CDON: variants seen among roughly 807,000 people sequenced by gnomAD.
The protein encoded by CDON is cell adhesion molecule-related/down-regulated by oncogenes.
In CDON, 73 loss-of-function variants were observed where a neutral mutation model predicts 120.9. That is an observed-to-expected ratio of 0.60 (90% confidence interval 0.50 to 0.73). The LOEUF is 0.73. Ranked by LOEUF, CDON falls within the 30% of genes least tolerant of loss-of-function variation. The pLI, the probability that CDON is intolerant of heterozygous loss-of-function variation, is 0.00. For missense variants in CDON, 1,470 were observed against 1,587.3 expected (o/e 0.93, Z 1.26); for synonymous variants, 566 against 573.5 (o/e 0.99, Z 0.19).
At chr11:126,056,156 A>G (rs1164547004) in intron 1 of CDON, among the ~76,000 whole-genome samples, 1 of 152,214 alleles carries the variant, frequency 6.6e-6, no homozygotes, top group Non-Finnish European at 1.5e-5. Context: ...ATGCCATTAC[A>G]ACACTTCCAG....
At chr11:126,001,659 C>T in intron 11 of CDON, 60 bp downstream of exon 11, 1 of 1,522,098 alleles carries the variant, frequency 6.6e-7, no homozygotes, top group Non-Finnish European at 9.1e-7. Flanking sequence ...CCCCACCTCC[C>T]AAAATCTGAA....
At chr11:125,994,582 G>A (rs1464511753) in intron 13 of CDON, among the ~76,000 whole-genome samples, 193 bp from the exon 14 acceptor site, 1 of 152,190 alleles carries the variant, frequency 6.6e-6, no homozygotes, top group Non-Finnish European at 1.5e-5. Flanking sequence ...AAATAAGGCA[G>A]TACGTTTCCC....
Position 125,960,595 on chromosome 11 carries a change from G to C in CDON, c.*347C>G, listed in dbSNP as rs751404338. On this transcript the variant is annotated 3_prime_UTR_variant, in exon 20 of 20. Coordinates refer to ENST00000531738, the MANE Select transcript of CDON (RefSeq NM_001378964.1). ...CAACGGGCCCCTGCATTCCCTCCTA[G>C]CCGAAGCAGCCAAGAGATGGGATCC... 3.4e-6 allele frequency: 1 copy of C among 295,342 alleles called. No homozygotes were observed. The highest frequency in any genetic ancestry group is 6.4e-6 in the Non-Finnish European group (1 of 156,132). 18.3% of individuals were successfully genotyped at this position (295,342 alleles called of 1,614,324 possible). A position where few individuals can be genotyped will look rare whatever the true frequency, so the allele number is the denominator to read the frequency against.
intron 18 of CDON, among the ~76,000 whole-genome samples, chr11:125,970,730 T>C (rs1007250913): frequency 2.6e-5 from 4 of 152,158 alleles, no homozygotes; most frequent in African/African-American, 9.7e-5. Flanking sequence ...ACAGTAAATG[T>C]TGAGTGACAA....
chr11:125,975,545 T>C (rs971864582), intron 18 of CDON, among the ~76,000 whole-genome samples: 3 of 152,250 alleles, frequency 2.0e-5, no homozygotes, highest in African/African-American at 7.2e-5. Flanking sequence ...TACTATTCTC[T>C]AGTTGCACTT....
chr11:126,002,295 G>A (rs1946969072), intron 10 of CDON, among the ~76,000 whole-genome samples: 1 of 152,136 alleles, frequency 6.6e-6, no homozygotes, highest in African/African-American at 2.4e-5. Flanking sequence ...GTTAAAAACT[G>A]AAATGCATGA....
rs141031241 is a variant in CDON at position 126,025,859 on chromosome 11, T to C, written c.-61-2322A>G. On this transcript the variant is annotated intron_variant, in intron 1 of 19. Transcript: ENST00000531738. Reference sequence around the variant, plus strand: ...ATATTCAAGTAGGAGAGATAGACAATATAAAAGATAAATAAAACTAGTAAA... The same window carrying C: ...ATATTCAAGTAGGAGAGATAGACAACATAAAAGATAAATAAAACTAGTAAA... Among the ~76,000 whole-genome samples the C allele has an allele frequency of 1.5e-4, 23 of 152,208 alleles. No individual in the cohort carries two copies. In the East Asian group the frequency reaches 4.2e-3, roughly 28 times the overall value.
intron 10 of CDON, among the ~76,000 whole-genome samples, chr11:126,003,554 C>T (rs544627952): frequency 6.1e-4 from 93 of 152,314 alleles, no homozygotes; most frequent in African/African-American, 2.1e-3. Flanking sequence ...GGCACAGTGG[C>T]TCACGCCTAT....
At position 125,995,035 on chromosome 11, in the gene CDON, T is replaced by C; in HGVS notation, c.2380A>G (p.Arg794Gly). The C allele has an allele frequency of 6.2e-7, 1 of 1,613,990 alleles. No individual in the cohort carries two copies. The highest frequency in any genetic ancestry group is 1.7e-5 in the Admixed American group (1 of 60,006). Residue 794 changes from arginine to glycine, a missense_variant, in exon 13 of 20, where the codon AGG becomes GGG. Coordinates refer to ENST00000531738, the MANE Select transcript of CDON (RefSeq NM_001378964.1). ...CCATAATGGTTGATGGCAATGACCCTAAATTTGTATGTTGAACCTTTGAGG... is the reference window on the plus strand; with the variant it reads ...CCATAATGGTTGATGGCAATGACCCCAAATTTGTATGTTGAACCTTTGAGG... ...SLEPGSTYKFRVIAINHYGES... is the reference protein window; with the variant it reads ...SLEPGSTYKFGVIAINHYGES...
At chr11:125,997,143 A>G (rs1591368023) in intron 12 of CDON, 64 bp downstream of exon 12, 1 of 1,247,930 alleles carries the variant, frequency 8.0e-7, no homozygotes, top group Admixed American at 1.8e-5. Flanking sequence ...CTGTCTCAAA[A>G]TATATAAATA....
chr11:126,048,853 G>A (rs374826963), intron 1 of CDON, among the ~76,000 whole-genome samples: 13 of 152,052 alleles, frequency 8.5e-5, no homozygotes, highest in Non-Finnish European at 1.8e-4. Context: ...ACAGGCATGC[G>A]CCACCACACC....
At position 126,010,408 on chromosome 11, in the gene CDON, C is replaced by G. The variant is rs371467859; in HGVS notation, c.1485G>C (p.Ala495=). The change falls in exon 8 of 20, where the codon GCG becomes GCC. Residue 495 remains alanine (A), a synonymous_variant. Transcript: ENST00000531738. ...TTGCAGCTTCGCAGATGTATTTCCC[C>G]GCATGTTCCTGAGTCACAGCCTGAA... The part of the protein sequence containing the change: ...LHIQAVTQEH[A]GKYICEAANE... 46 of 1,614,084 alleles carry G rather than the reference C, an allele frequency of 2.8e-5. No homozygotes were observed. The African/African-American group carries it at 3.1e-4, about 11-fold the overall frequency.
At position 125,978,304 on chromosome 11, in the gene CDON, C is replaced by G. The variant is rs755551243; in HGVS notation, c.3356G>C (p.Arg1119Thr). 6.4e-7 allele frequency: 1 copy of G among 1,567,970 alleles called. No individual in the cohort carries two copies. Reference sequence around the variant, plus strand: ...TTGTGCAGACACATTATTAACATACCTATTGTTGTTTCGACAATTTCGGCA... The same window carrying G: ...TTGTGCAGACACATTATTAACATACGTATTGTTGTTTCGACAATTTCGGCA... ...VNCRNCRNNN[R>T]CFTKTNSTFS... The change falls in exon 18 of 20, where the codon AGG (arginine) becomes ACG (threonine). Residue 1119 changes from arginine (R) to threonine (T), a missense_variant and splice_region_variant. Physicochemically the swap from Arg to Thr is moderately conservative, Grantham distance 71 (BLOSUM62 -1). Transcript: ENST00000531738.
chr11:126,029,266 C>T (rs1369202247), intron 1 of CDON, among the ~76,000 whole-genome samples: 4 of 152,162 alleles, frequency 2.6e-5, no homozygotes, highest in Non-Finnish European at 5.9e-5. Flanking sequence ...AAGGCATGGG[C>T]ATTGCAGGCC....
In CDON at chr11:126,023,557, G is replaced by T; in HGVS notation, c.-61-20C>A. Reference sequence around the variant, plus strand: ...GGTTCACTAAAAAAGAAAAAGGAAAGAAAATCTAAACCATTGAAATCTTTC... The same window carrying T: ...GGTTCACTAAAAAAGAAAAAGGAAATAAAATCTAAACCATTGAAATCTTTC... On this transcript the variant is annotated intron_variant, in intron 1 of 19. Transcript: ENST00000531738. The T allele has an allele frequency of 9.7e-7, 1 of 1,033,282 alleles. No homozygotes were observed. 64.0% of individuals were successfully genotyped at this position (1,033,282 alleles called of 1,614,324 possible).
At chr11:126,029,731 C>T (rs1252789547) in intron 1 of CDON, among the ~76,000 whole-genome samples, 2 of 152,140 alleles carry the variant, frequency 1.3e-5, no homozygotes, top group African/African-American at 4.8e-5. Context: ...CCATCTCCTT[C>T]CCATCTTCAT....
chr11:126,045,036 T>TAG lies in CDON; in HGVS notation c.-62+17541_-62+17542dup, dbSNP rs10588225. Among the ~76,000 whole-genome samples, 891 of 142,912 alleles carry TAG rather than the reference T, an allele frequency of 6.2e-3. 11 individuals are homozygous for TAG. Among genetic ancestry groups the TAG allele is most frequent in the African/African-American group, 0.021 (807 of 38,168 alleles). 93.8% of individuals were successfully genotyped at this position (142,912 alleles called of 152,430 possible). On this transcript the variant is annotated intron_variant, in intron 1 of 19. Transcript: ENST00000531738. The stretch of plus-strand genomic sequence containing the variant: ...CCTATAATAATTTAAAATATATATA[T>TAG]AGAGAGAGAGACGGAGTCTTGCTCC...
At chr11:126,001,114 CAT>C (rs1356154551) in intron 11 of CDON, among the ~76,000 whole-genome samples, 5 of 151,964 alleles carry the variant, frequency 3.3e-5, no homozygotes, top group African/African-American at 4.8e-5. Flanking sequence ...GAGTCACACA[CAT>C]GAAAAGTGAG....
chr11:126,011,577 C>A (rs1331360558), intron 7 of CDON, among the ~76,000 whole-genome samples: 3 of 152,156 alleles, frequency 2.0e-5, no homozygotes, highest in African/African-American at 7.2e-5. Flanking sequence ...GGTCATGAAT[C>A]TTTTCTGCAG....
Sources: gnomAD v4.1 joint callset for allele counts (sites outside exome capture counted in the v4.1 genomes callset) on GRCh38, gnomAD v4.1.1 for gene constraint, MANE v1.5 for transcripts, NCBI Gene and HGNC (gene_info 2026-07-23, HGNC 2026-07-21) for gene names.